The following RASSF3 variants were observed in gnomAD, a reference collection of about 807,000 sequenced individuals.
The protein encoded by RASSF3 is Ras association domain family member 3.
Under a neutral mutation model 19.9 loss-of-function variants are expected in RASSF3, and 19 were observed. The ratio of observed to expected loss-of-function variants is 0.96; its 90% CI spans 0.67 to 1.40. RASSF3 has a LOEUF of 1.40. Among genes scored for constraint, RASSF3 ranks in the 40% most tolerant of loss-of-function variants. The pLI, the probability that RASSF3 is intolerant of heterozygous loss-of-function variation, is 0.00. For missense variants in RASSF3, 306 were observed against 289.8 expected (o/e 1.06, Z -0.41); for synonymous variants, 110 against 104.2 (o/e 1.06, Z -0.34).
At chr12:64,651,640 A>T (rs375660849) in intron 1 of RASSF3, among the ~76,000 whole-genome samples, 1 of 152,116 alleles carries the variant, frequency 6.6e-6, no homozygotes, top group Non-Finnish European at 1.5e-5. Flanking sequence ...GATTACAGGC[A>T]TAAGCCACCA....
chr12:64,588,195 G>C (rs2136139048), intron 2 of RASSF3, among the ~76,000 whole-genome samples: 1 of 152,154 alleles, frequency 6.6e-6, no homozygotes, highest in East Asian at 1.9e-4. Context: ...TCCCACCTCA[G>C]CCTCCTGAGT....
intron 2 of RASSF3, among the ~76,000 whole-genome samples, chr12:64,566,226 CTATT>C (rs1318788424): frequency 6.6e-6 from 1 of 152,100 alleles, no homozygotes; most frequent in Non-Finnish European, 1.5e-5. Context: ...TGACAGAACT[CTATT>C]TAGAATAAGA....
intron 1 of RASSF3, among the ~76,000 whole-genome samples, chr12:64,682,505 T>G (rs1873171726): frequency 6.7e-6 from 1 of 149,962 alleles, no homozygotes; most frequent in Non-Finnish European, 1.5e-5. Context: ...AGGCGGAGGT[T>G]GCAGTGAGCC....
chr12:64,687,548 C>G lies in RASSF3; in HGVS notation c.220-668C>G, dbSNP rs183629668. On this transcript the variant is annotated intron_variant, in intron 2 of 4. Coordinates refer to ENST00000542104, the MANE Select transcript of RASSF3 (RefSeq NM_178169.4). ...GGAGTGCAATGGCGTGATCTTGGCT[C>G]ATTGCAACCTCCACCTTCTGGTTTC... 2.3e-3 allele frequency among the ~76,000 whole-genome samples: 353 copies of G among 151,210 alleles called. 6 individuals are homozygous for G. Among genetic ancestry groups the G allele is most frequent in the Non-Finnish European group, 3.2e-4 (22 of 67,890 alleles).
At chr12:64,679,875 C>T (rs1039647965) in intron 1 of RASSF3, among the ~76,000 whole-genome samples, 23 of 152,158 alleles carry the variant, frequency 1.5e-4, no homozygotes, top group Admixed American at 8.5e-4. Context: ...GGCATGATGC[C>T]CTCACTGGCT....
At chr12:64,617,917 C>G (rs1327693232) in intron 1 of RASSF3, among the ~76,000 whole-genome samples, 1 of 152,126 alleles carries the variant, frequency 6.6e-6, no homozygotes, top group Non-Finnish European at 1.5e-5. Flanking sequence ...GTTTTACGTC[C>G]CTGTGTAAAA....
chr12:64,572,480 G>A (rs1443712434), intron 2 of RASSF3, among the ~76,000 whole-genome samples: 1 of 152,166 alleles, frequency 6.6e-6, no homozygotes, highest in Non-Finnish European at 1.5e-5. Context: ...AGAGCTGGGA[G>A]GCAATAACTT....
rs1288147347 is a variant in RASSF3, at chr12:64,696,419, C to T, written c.*1507C>T. On this transcript the variant is annotated 3_prime_UTR_variant, in exon 5 of 5. Coordinates refer to ENST00000542104, the MANE Select transcript of RASSF3 (RefSeq NM_178169.4). Reference sequence around the variant, plus strand: ...ACAGGCTAAATAACCTCATTTTATGCAGCAGTTTAATCTGAGAACAGAGGG... The same window carrying T: ...ACAGGCTAAATAACCTCATTTTATGTAGCAGTTTAATCTGAGAACAGAGGG... 1.3e-5 allele frequency: 2 copies of T among 152,150 alleles called. No individual in the cohort carries two copies. The highest frequency in any genetic ancestry group is 4.8e-5 in the African/African-American group (2 of 41,436). 9.4% of individuals were successfully genotyped at this position (152,150 alleles called of 1,614,324 possible).
intron 2 of RASSF3, among the ~76,000 whole-genome samples, chr12:64,572,590 T>G (rs543221789): frequency 2.9e-4 from 44 of 152,288 alleles, no homozygotes; most frequent in Non-Finnish European, 4.4e-4. Flanking sequence ...ACATCTGTTC[T>G]GCACATCACT....
chr12:64,515,824 T>C (rs562836928), intron 1 of RASSF3, among the ~76,000 whole-genome samples: 2 of 152,180 alleles, frequency 1.3e-5, no homozygotes, highest in Admixed American at 1.3e-4. Context: ...CACACATGGG[T>C]TAAAAAGTAC....
intron 1 of RASSF3, among the ~76,000 whole-genome samples, chr12:64,540,990 AT>A (rs796550432): frequency 4.3e-4 from 62 of 145,074 alleles, no homozygotes; most frequent in Middle Eastern, 3.6e-3. Flanking sequence ...CCAGGCTGGA[AT>A]TTTTTTTTTT....
intron 1 of RASSF3, among the ~76,000 whole-genome samples, chr12:64,624,825 A>ATTT (rs780645923): frequency 2.2e-5 from 3 of 139,340 alleles, no homozygotes; most frequent in Non-Finnish European, 3.1e-5. Context: ...CCCCCGGGTA[A>ATTT]TTTTTTTTTT....
intron 2 of RASSF3, among the ~76,000 whole-genome samples, chr12:64,583,034 C>G (rs976143587): frequency 5.9e-5 from 9 of 152,050 alleles, no homozygotes; most frequent in African/African-American, 2.2e-4. Context: ...AGCCCTGTAC[C>G]TTTTGTTCTC....
At position 64,520,654 on chromosome 12, in the gene RASSF3, T is replaced by G. The variant is rs191632391; in HGVS notation, c.169+13325T>G. Among the ~76,000 whole-genome samples, 7 of 150,138 alleles carry G rather than the reference T, an allele frequency of 4.7e-5. No homozygotes were observed. The East Asian group carries it at 1.4e-3, about 30-fold the overall frequency. On this transcript the variant is annotated intron_variant, in intron 1 of 5. Coordinates refer to the RASSF3 transcript ENST00000637125. ...CCTAGAAATATGTATTAAATATGAA[T>G]TTAGTGTTTCAGTTCTTTGGATTTC...
intron 1 of RASSF3, among the ~76,000 whole-genome samples, chr12:64,514,929 A>AT (rs966214992): frequency 2.0e-5 from 3 of 151,604 alleles, no homozygotes; most frequent in African/African-American, 4.8e-5. Flanking sequence ...TAGTTATTGT[A>AT]TTTTTTTTAA....
At chr12:64,514,289 C>T (rs962810609) in intron 1 of RASSF3, among the ~76,000 whole-genome samples, 11 of 146,462 alleles carry the variant, frequency 7.5e-5, no homozygotes, top group African/African-American at 2.3e-4. Flanking sequence ...CAGGTTCAAG[C>T]GATTCTCCTG....
intron 1 of RASSF3, among the ~76,000 whole-genome samples, chr12:64,640,959 T>A (rs965388622): frequency 6.6e-6 from 1 of 152,122 alleles, no homozygotes; most frequent in African/African-American, 2.4e-5. Context: ...TCACTCAGCC[T>A]AGGATTTTCT....
Position 64,689,791 on chromosome 12 carries a change from C to CTTTT in RASSF3, c.457+1348_457+1351dup, listed in dbSNP as rs762822586. On this transcript the variant is annotated intron_variant, in intron 3 of 4. Transcript: ENST00000542104. ...GTTTGTAGCTGCTAATTCGCTAATT[C>CTTTT]TTTTTTTTTTTTTGAGACGGAGTCT... Among the ~76,000 whole-genome samples, 53 of 96,564 alleles carry CTTTT rather than the reference C, an allele frequency of 5.5e-4. 3 individuals are homozygous for CTTTT. The highest frequency in any genetic ancestry group is 8.3e-4 in the South Asian group (2 of 2,414). 63.3% of individuals were successfully genotyped at this position (96,564 alleles called of 152,430 possible).
intron 2 of RASSF3, among the ~76,000 whole-genome samples, chr12:64,573,233 C>A (rs1040796511): frequency 6.6e-6 from 1 of 151,900 alleles, no homozygotes; most frequent in Non-Finnish European, 1.5e-5. Flanking sequence ...ATCACTAGAG[C>A]CTGGGAGGTC....
Sources: allele counts gnomAD v4.1 joint callset (sites outside exome capture counted in the v4.1 genomes callset), GRCh38; gene constraint gnomAD v4.1.1; transcripts MANE v1.5; gene names NCBI Gene and HGNC (gene_info 2026-07-23, HGNC 2026-07-21).